The following CFAP43 variants were observed in gnomAD, a reference collection of about 807,000 sequenced individuals.
CFAP43 encodes cilia and flagella associated protein 43.
Under a neutral mutation model 218.9 loss-of-function variants are expected in CFAP43, and 155 were observed. The observed-to-expected ratio is 0.71, with a 90% CI of 0.62 to 0.81. The LOEUF is 0.81. Ranked by LOEUF, CFAP43 falls within the 30% of genes least tolerant of loss-of-function variation. The pLI is 0.00. For missense variants in CFAP43, 1,778 were observed against 1,954.3 expected (o/e 0.91, Z 1.70); for synonymous variants, 645 against 681.3 (o/e 0.95, Z 0.83).
rs1490984696 is a variant in CFAP43 at position 104,193,939 on chromosome 10, T to C, written c.1369A>G (p.Ser457Gly). The C allele has an allele frequency of 2.5e-6, 4 of 1,613,934 alleles. No homozygotes were observed. In the South Asian group the frequency reaches 4.4e-5, roughly 18 times the overall value. The change falls in exon 11 of 38, where the codon AGC (serine) becomes GGC (glycine). Residue 457 changes from serine to glycine, a missense_variant. Around this residue, in one of 3 missense-constraint regions of CFAP43, gnomAD observed 1,553 missense variants for 1,685.2 expected, o/e 0.92. Transcript: ENST00000357060. ...TGAGGGGATTCCTTATCATATACGC[T>C]GATGAAGTAGACCGAGCCATCCTCC... ...GTEDGSVYFI[S>G]VYDKESPQVV...
chr10:104,179,046 T>G lies in CFAP43; in HGVS notation c.2443A>C (p.Lys815Gln). 6.2e-7 allele frequency: 1 copy of G among 1,613,038 alleles called. No individual in the cohort carries two copies. Among genetic ancestry groups the G allele is most frequent in the African/African-American group, 1.3e-5 (1 of 75,034 alleles). Reference sequence around the variant, plus strand: ...ACACTTACAGTTTTGGAAAGTGATTTGATTCCTTGTTTTATCTCTTTCCTT... The same window carrying G: ...ACACTTACAGTTTTGGAAAGTGATTGGATTCCTTGTTTTATCTCTTTCCTT... Reference protein sequence around the residue: ...KKRKEIKQGIKSLSKTILNMM... With the variant: ...KKRKEIKQGIQSLSKTILNMM... Residue 815 changes from lysine (K) to glutamine (Q), a missense_variant, in exon 19 of 38, where the codon AAA becomes CAA. Lys to Gln is a moderately conservative substitution (Grantham distance 53). Coordinates refer to ENST00000357060, the MANE Select transcript of CFAP43 (RefSeq NM_025145.7).
chr10:104,211,277 T>TAGTTACAGAC (rs2090854696), intron 5 of CFAP43, among the ~76,000 whole-genome samples: 1 of 152,188 alleles, frequency 6.6e-6, no homozygotes, highest in Non-Finnish European at 1.5e-5. Flanking sequence ...TTTACTTTTG[T>TAGTTACAGAC]TGTTGTAGTT....
intron 10 of CFAP43, among the ~76,000 whole-genome samples, chr10:104,194,706 C>T (rs1158921736): frequency 6.6e-6 from 1 of 152,202 alleles, no homozygotes; most frequent in African/African-American, 2.4e-5. Flanking sequence ...AATTGACTTT[C>T]ATAATACTAG....
chr10:104,183,657 G>A (rs1161973813), intron 16 of CFAP43, among the ~76,000 whole-genome samples: 3 of 152,194 alleles, frequency 2.0e-5, no homozygotes, highest in African/African-American at 7.2e-5. Context: ...CCAAAGTGCT[G>A]GGATTACAGG....
chr10:104,224,860 T>C (rs1393200763), intron 3 of CFAP43, among the ~76,000 whole-genome samples: 1 of 152,124 alleles, frequency 6.6e-6, no homozygotes, highest in Non-Finnish European at 1.5e-5. Flanking sequence ...CCTTTAATCA[T>C]TTCTGGAATA....
intron 8 of CFAP43, among the ~76,000 whole-genome samples, chr10:104,201,491 GTTACC>G (rs1052467608): frequency 1.3e-5 from 2 of 151,282 alleles, no homozygotes; most frequent in African/African-American, 4.9e-5. Context: ...TCTTTTAGTG[GTTACC>G]TTAGAAGTTG....
chr10:104,152,799 A>G (rs2088337343), intron 27 of CFAP43, 73 bp from the exon 28 acceptor site: 1 of 1,522,178 alleles, frequency 6.6e-7, no homozygotes, highest in African/African-American at 1.4e-5. Context: ...TTTACATTTC[A>G]CCACAAGGGA....
intron 19 of CFAP43, among the ~76,000 whole-genome samples, chr10:104,178,465 T>C (rs1198448093): frequency 6.6e-6 from 1 of 152,216 alleles, no homozygotes; most frequent in African/African-American, 2.4e-5. Context: ...TTCAAATAAC[T>C]ATCATAGTGT....
chr10:104,161,201 G>A (rs941690042), intron 26 of CFAP43, 39 bp from the exon 27 acceptor site: 13 of 1,602,286 alleles, frequency 8.1e-6, no homozygotes, highest in South Asian at 1.1e-5. Context: ...CAGCTCAAAC[G>A]TTAAATGCAG....
intron 8 of CFAP43, among the ~76,000 whole-genome samples, 198 bp from the exon 9 acceptor site, chr10:104,198,236 T>A (rs533751811): frequency 1.3e-5 from 2 of 152,338 alleles, no homozygotes; most frequent in South Asian, 2.1e-4. Context: ...TATTGATTGA[T>A]CGGTTGATTC....
chr10:104,223,257 TC>T (rs1447624911), intron 3 of CFAP43, among the ~76,000 whole-genome samples: 8 of 152,166 alleles, frequency 5.3e-5, no homozygotes, highest in African/African-American at 1.9e-4. Context: ...GATAACTTTT[TC>T]TCTAAATTTT....
intron 3 of CFAP43, among the ~76,000 whole-genome samples, chr10:104,219,059 G>A (rs930627625): frequency 3.3e-5 from 5 of 152,008 alleles, no homozygotes; most frequent in East Asian, 1.9e-4. Context: ...AGACATCTCC[G>A]TTTGTTCATC....
Position 104,186,098 on chromosome 10 carries a change from T to G in CFAP43, c.1886A>C (p.Lys629Thr). ...TCTGCTTTGTACTTTTTTGTATGGT[T>G]TAAGAATGTAGATACCGGTATGTTC... ...EEEHTGIYIL[K>T]PYKKVQSRQY... The change falls in exon 15 of 38, where the codon AAA (lysine) becomes ACA (threonine). Residue 629 changes from lysine to threonine, a missense_variant. This residue lies in a region of CFAP43 where 1,553 missense variants were observed against 1,685.2 expected (regional missense o/e 0.92). Transcript: ENST00000357060. The G allele has an allele frequency of 6.4e-7, 1 of 1,551,580 alleles. No individual in the cohort carries two copies. The highest frequency in any genetic ancestry group is 8.7e-7 in the Non-Finnish European group (1 of 1,155,378).
chr10:104,223,172 C>CT (rs1282997641), intron 3 of CFAP43, among the ~76,000 whole-genome samples: 5 of 152,226 alleles, frequency 3.3e-5, no homozygotes, highest in African/African-American at 1.2e-4. Context: ...TGAGCACCCA[C>CT]TTACTAGCCC....
intron 8 of CFAP43, among the ~76,000 whole-genome samples, chr10:104,200,936 T>C (rs2090519204): frequency 6.6e-6 from 1 of 152,182 alleles, no homozygotes; most frequent in South Asian, 2.1e-4. Context: ...AGTAAGGATT[T>C]TGGCTTTTTC....
intron 19 of CFAP43, among the ~76,000 whole-genome samples, chr10:104,172,923 G>A (rs2089468418): frequency 6.6e-6 from 1 of 152,090 alleles, no homozygotes; most frequent in Non-Finnish European, 1.5e-5. Context: ...AATAATCAGG[G>A]GAGGGGTAAT....
At position 104,168,736 on chromosome 10, in the gene CFAP43, T is replaced by C. The variant is rs2089284996; in HGVS notation, c.2691+8A>G. The C allele has an allele frequency of 1.2e-6, 2 of 1,609,282 alleles. No individual in the cohort carries two copies. Among genetic ancestry groups the C allele is most frequent in the South Asian group, 1.1e-5 (1 of 90,978 alleles). The stretch of plus-strand genomic sequence containing the variant: ...ATCAGGTTTTGTACCTAGGGTTCTA[T>C]CTGTTACCTTAAGAGCTCGACCTTT... On this transcript the variant is annotated splice_region_variant and intron_variant, in intron 21 of 37. Coordinates refer to ENST00000357060, the MANE Select transcript of CFAP43 (RefSeq NM_025145.7).
At chr10:104,195,089 T>G (rs1315584565) in intron 10 of CFAP43, among the ~76,000 whole-genome samples, 1 of 152,252 alleles carries the variant, frequency 6.6e-6, no homozygotes. Context: ...AGGAGTCTTA[T>G]GTACCCTTGC....
intron 4 of CFAP43, 52 bp downstream of exon 4, chr10:104,214,207 C>G (rs774688357): frequency 1.3e-6 from 2 of 1,498,216 alleles, no homozygotes; most frequent in Admixed American, 2.3e-5. Context: ...TCACATTACA[C>G]GAATGCAAAC....
Sources: allele counts gnomAD v4.1 joint callset (sites outside exome capture counted in the v4.1 genomes callset), GRCh38; gene constraint gnomAD v4.1.1; regional missense constraint gnomAD v4.1.1; transcripts MANE v1.5; gene names NCBI Gene and HGNC (gene_info 2026-07-23, HGNC 2026-07-21).